The following RBM4 variants were observed in gnomAD, a reference collection of about 807,000 sequenced individuals.
The protein encoded by RBM4 is RNA binding motif protein 4.
Under a neutral mutation model 29.5 loss-of-function variants are expected in RBM4, and 7 were observed. The observed-to-expected ratio is 0.24, with a 90% confidence interval of 0.14 to 0.45. The LOEUF (loss-of-function observed/expected upper bound fraction) is 0.45, where lower values mean the gene tolerates loss of function less well. RBM4 is among the 20% of genes least tolerant of loss of function. RBM4 has a pLI of 1.00. For missense variants in RBM4, 387 were observed against 502.3 expected (o/e 0.77, Z 2.19); for synonymous variants, 220 against 205.4 (o/e 1.07, Z -0.61).
At chr11:66,660,749 G>C (rs192057853) in intron 2 of RBM4, among the ~76,000 whole-genome samples, 2,066 of 151,852 alleles carry the variant, frequency 0.014, 48 homozygotes, top group African/African-American at 0.048. Context: ...TGCCTCCCGG[G>C]TTCACGCCAT....
chr11:66,639,299 A>C, intron 1 of RBM4: 1 of 178,494 alleles, frequency 5.6e-6, no homozygotes, highest in Non-Finnish European at 1.2e-5. Flanking sequence ...TTTGGTTCCT[A>C]CGTGAGGAAA....
At chr11:66,655,504 ACTC>A (rs1277784442) in intron 2 of RBM4, among the ~76,000 whole-genome samples, 4 of 148,248 alleles carry the variant, frequency 2.7e-5, no homozygotes, top group African/African-American at 5.0e-5. Context: ...GTGCTCTTGA[ACTC>A]CTGGGCTCAA....
At chr11:66,649,396 T>G (rs1221196430), downstream of RBM4, among the ~76,000 whole-genome samples, 1 of 152,228 alleles carries the variant, frequency 6.6e-6, no homozygotes, top group Non-Finnish European at 1.5e-5. Context: ...AATTTTAAAG[T>G]TAGCTCTTTG....
intron 2 of RBM4, among the ~76,000 whole-genome samples, chr11:66,661,776 T>TC (rs1329623464): frequency 9.2e-5 from 14 of 152,194 alleles, no homozygotes; most frequent in Non-Finnish European, 1.6e-4. Context: ...ACGCCTGTAA[T>TC]CCCGGCACTT....
At chr11:66,651,594 T>C (rs905213265) in intron 2 of RBM4, among the ~76,000 whole-genome samples, 1 of 152,236 alleles carries the variant, frequency 6.6e-6, no homozygotes, top group African/African-American at 2.4e-5. Context: ...TTGATCCGCC[T>C]GCCTCGGCCT....
chr11:66,653,149 T>C (rs1184053406), intron 2 of RBM4, among the ~76,000 whole-genome samples: 1 of 152,062 alleles, frequency 6.6e-6, no homozygotes, highest in Non-Finnish European at 1.5e-5. Flanking sequence ...GTAAGGAAGA[T>C]TGACACCAAA....
chr11:66,667,060 C>T (rs1939263699), exon 3 of RBM4: 1 of 152,124 alleles, frequency 6.6e-6, no homozygotes, highest in Non-Finnish European at 1.5e-5. Flanking sequence ...CCACTGTACA[C>T]AGCTGCTTTG....
At chr11:66,659,356 C>T (rs1372375775) in intron 2 of RBM4, among the ~76,000 whole-genome samples, 2 of 149,670 alleles carry the variant, frequency 1.3e-5, no homozygotes, top group Non-Finnish European at 3.0e-5. Flanking sequence ...CTGCAAGCTC[C>T]GCCCCCCGGA....
rs761990058 is a variant in RBM4 at position 66,643,297 on chromosome 11, AG to A, written c.413-152del. On this transcript the variant is annotated intron_variant, in intron 2 of 3. Transcript: ENST00000310092. The surrounding 1 kb of genome is among the most constrained non-coding windows in gnomAD (Gnocchi z 6.1). ...GTCATTATACTGAATCTATATGTTG[AG>A]TCTTTTTTTTTTTTCCTTTTTATCT... 4.2e-4 allele frequency among the ~76,000 whole-genome samples: 63 copies of A among 150,358 alleles called. No individual in the cohort carries two copies. The highest frequency in any genetic ancestry group is 2.1e-3 in the Admixed American group (32 of 15,124).
chr11:66,651,868 A>T (rs1203155705), intron 2 of RBM4, among the ~76,000 whole-genome samples: 1 of 152,142 alleles, frequency 6.6e-6, no homozygotes, highest in East Asian at 1.9e-4. Flanking sequence ...CACAAATCCC[A>T]TTGATGAGGG....
At position 66,643,897 on chromosome 11, in the gene RBM4, C is replaced by T. The variant is rs1938575840; in HGVS notation, c.860C>T (p.Ala287Val). The T allele has an allele frequency of 1.2e-6, 2 of 1,611,852 alleles. No individual in the cohort carries two copies. The highest frequency in any genetic ancestry group is 1.7e-6 in the Non-Finnish European group (2 of 1,179,324). ...LPTSGAAATA[A>V]AAAAAAAAVT... ...ACCTCAGGAGCTGCTGCCACAGCTG[C>T]TGCTGCAGCAGCAGCCGCTGCTGCT... Residue 287 changes from alanine (A) to valine (V), a missense_variant, in exon 3 of 4, where the codon GCT (alanine) becomes GTT (valine). Coordinates refer to ENST00000310092, the MANE Select transcript of RBM4 (RefSeq NM_002896.4). The surrounding 1 kb of genome is among the most constrained non-coding windows in gnomAD (Gnocchi z 6.1).
chr11:66,667,507 G>A (rs536253355), exon 3 of RBM4: 5 of 152,202 alleles, frequency 3.3e-5, no homozygotes, highest in Admixed American at 1.3e-4. Context: ...GAAGAAACAG[G>A]GCTTAAGTGC....
chr11:66,648,670 C>T (rs139472335), downstream of RBM4, among the ~76,000 whole-genome samples: 842 of 151,862 alleles, frequency 5.5e-3, 11 homozygotes, highest in African/African-American at 0.019. Context: ...ATAAGTTAGC[C>T]GGGCATGGTG....
downstream of RBM4, among the ~76,000 whole-genome samples, chr11:66,649,199 G>GT (rs775102298): frequency 6.6e-5 from 10 of 152,156 alleles, no homozygotes; most frequent in Non-Finnish European, 1.2e-4. Context: ...TAGAGATGGA[G>GT]TTTCACCATG....
intron 2 of RBM4, chr11:66,665,650 T>G: frequency 6.5e-7 from 1 of 1,534,878 alleles, no homozygotes; most frequent in Non-Finnish European, 8.7e-7. Flanking sequence ...ACAAGCGCCC[T>G]GGGTCCTGTC....
At chr11:66,641,611 G>A (rs1221448353) in intron 2 of RBM4, among the ~76,000 whole-genome samples, 1 of 152,206 alleles carries the variant, frequency 6.6e-6, no homozygotes, top group Non-Finnish European at 1.5e-5. Context: ...GGTTTAAGGA[G>A]AGGACAGTGT....
Position 66,646,401 on chromosome 11 carries a change from C to T in RBM4, c.*383C>T, listed in dbSNP as rs888430952. ...ACTGCTCCAGGGTCTCTTTTTGGTC[C>T]AAAGGCTAGACCTATAGAGTTGGAT... On this transcript the variant is annotated 3_prime_UTR_variant, in exon 4 of 4. Transcript: ENST00000310092. 2.7e-6 allele frequency: 3 copies of T among 1,122,556 alleles called. No individual in the cohort carries two copies. The African/African-American group carries it at 4.8e-5, about 18-fold the overall frequency. The allele number at this position is 1,122,556 out of a possible 1,614,324, so 69.5% of individuals were successfully genotyped here.
rs2135063732 is a variant in RBM4 at position 66,643,424 on chromosome 11, A to G, written c.413-26A>G. On this transcript the variant is annotated intron_variant, in intron 2 of 3. Transcript: ENST00000310092. The surrounding 1 kb of genome is among the most constrained non-coding windows in gnomAD (Gnocchi z 6.1). ...GGGGCTATGACTAAGAGTGATAGCA[A>G]CCCTTCTTGCGTCTGTTTCTTCAAG... 2.5e-6 allele frequency: 4 copies of G among 1,578,992 alleles called. No homozygotes were observed. Among genetic ancestry groups the G allele is most frequent in the African/African-American group, 1.3e-5 (1 of 74,492 alleles).
chr11:66,645,975 G>C, intron 3 of RBM4, 52 bp from the exon 4 acceptor site: 1 of 1,535,826 alleles, frequency 6.5e-7, no homozygotes, highest in South Asian at 1.2e-5. Context: ...TTTTAAATGG[G>C]AAAGCCCTTT....
Sources: gnomAD v4.1 joint callset for allele counts (sites outside exome capture counted in the v4.1 genomes callset) on GRCh38, gnomAD v4.1.1 for gene constraint, Gnocchi (gnomAD v3.1) non-coding constraint, MANE v1.5 for transcripts, NCBI Gene and HGNC (gene_info 2026-07-23, HGNC 2026-07-21) for gene names.